CELF2: variants seen among roughly 807,000 people sequenced by gnomAD.
CELF2 encodes CUG triplet repeat RNA-binding protein 2.
Under a neutral mutation model 62.6 loss-of-function variants are expected in CELF2, and 8 were observed. The ratio of observed to expected loss-of-function variants is 0.13; its 90% confidence interval spans 0.07 to 0.23. The LOEUF is 0.23. Ranked by LOEUF, CELF2 falls within the 10% of genes least tolerant of loss-of-function variation. The pLI, the probability that CELF2 is intolerant of heterozygous loss-of-function variation, is 1.00. For missense variants in CELF2, 333 were observed against 671.0 expected (o/e 0.50, Z 5.56); for synonymous variants, 258 against 250.0 (o/e 1.03, Z -0.30).
intron 1 of CELF2, among the ~76,000 whole-genome samples, chr10:10,832,821 G>A (rs2057978630): frequency 6.6e-6 from 1 of 152,132 alleles, no homozygotes; most frequent in Non-Finnish European, 1.5e-5. Flanking sequence ...ACTGGAATCG[G>A]AGGGGAGAGA....
chr10:10,598,751 C>CTTTTTCTTTCTTTTTTTTTTTTTT, the CELF2 span, among the ~76,000 whole-genome samples: 1 of 69,586 alleles, frequency 1.4e-5, no homozygotes, highest in African/African-American at 4.8e-5. Context: ...CTTTTTCTTT[C>CTTTTTCTTTCTTTTTTTTTTTTTT]TTTTTTTTTT....
chr10:11,276,939 T>C (rs1439811512), intron 8 of CELF2, among the ~76,000 whole-genome samples: 1 of 152,246 alleles, frequency 6.6e-6, no homozygotes, highest in Non-Finnish European at 1.5e-5. Flanking sequence ...GCAATCTGTA[T>C]GTGCTCTGAG....
At chr10:10,822,620 G>A (rs1252298226) in intron 1 of CELF2, among the ~76,000 whole-genome samples, 2 of 152,302 alleles carry the variant, frequency 1.3e-5, no homozygotes, top group South Asian at 4.1e-4. Flanking sequence ...CTTTTTAAGC[G>A]ATTAACTACC....
chr10:10,896,319 A>G (rs1015059902), intron 1 of CELF2, among the ~76,000 whole-genome samples: 6 of 152,156 alleles, frequency 3.9e-5, no homozygotes, highest in African/African-American at 1.4e-4. Flanking sequence ...ATCCAATTAT[A>G]TGCTGCTTGC....
At chr10:10,790,246 G>A in the CELF2 span, among the ~76,000 whole-genome samples, 1 of 151,962 alleles carries the variant, frequency 6.6e-6, no homozygotes, top group African/African-American at 2.4e-5. Context: ...TTATATTCAA[G>A]TTTTTATATT....
At chr10:11,179,499 G>T (rs571093496) in intron 2 of CELF2, among the ~76,000 whole-genome samples, 1 of 152,328 alleles carries the variant, frequency 6.6e-6, no homozygotes, top group East Asian at 1.9e-4. Context: ...TTGAACGAAT[G>T]AAGTAAATGC....
At chr10:10,548,697 G>T in the CELF2 span, among the ~76,000 whole-genome samples, 1 of 151,904 alleles carries the variant, frequency 6.6e-6, no homozygotes. Flanking sequence ...TCTCTTTTGA[G>T]CTTTAAGTTA....
chr10:11,208,671 A>G (rs1020044536), intron 2 of CELF2, among the ~76,000 whole-genome samples: 4 of 152,176 alleles, frequency 2.6e-5, no homozygotes, highest in African/African-American at 9.7e-5. Context: ...AGAATGACGG[A>G]AGGAAAGTTA....
chr10:11,175,513 C>T (rs1333358135), intron 2 of CELF2, among the ~76,000 whole-genome samples: 1 of 152,114 alleles, frequency 6.6e-6, no homozygotes, highest in African/African-American at 2.4e-5. Flanking sequence ...GTTGGAACAG[C>T]AGGCAACATG....
the CELF2 span, among the ~76,000 whole-genome samples, chr10:10,679,821 G>T: frequency 6.6e-6 from 1 of 152,110 alleles, no homozygotes; most frequent in Non-Finnish European, 1.5e-5. Context: ...ATAAATACAT[G>T]AATGTTACAT....
chr10:10,687,730 G>A, the CELF2 span, among the ~76,000 whole-genome samples: 1 of 152,146 alleles, frequency 6.6e-6, no homozygotes, highest in Non-Finnish European at 1.5e-5. Context: ...AATTAATGCT[G>A]TCTAAAAGAC....
chr10:10,466,235 G>C, the CELF2 span, among the ~76,000 whole-genome samples: 2 of 152,004 alleles, frequency 1.3e-5, no homozygotes, highest in African/African-American at 4.8e-5. Flanking sequence ...CTGGCCTTCA[G>C]ACAGGCCTTC....
rs1174774788 is a variant in CELF2, at chr10:11,280,672, G to A, written c.841+5552G>A. ...AGTAGCACCTAGAAGATCGGTAGGT[G>A]CAGGGATGTCCATGGGGCAGGATGG... On this transcript the variant is annotated intron_variant, in intron 8 of 12. Coordinates refer to ENST00000633077, the MANE Select transcript of CELF2 (RefSeq NM_001326342.2). The surrounding 1 kb of genome is among the most constrained non-coding windows in gnomAD (Gnocchi z 7.6). Among the ~76,000 whole-genome samples the A allele has an allele frequency of 6.6e-6, 1 of 152,226 alleles. No homozygotes were observed. Among genetic ancestry groups the A allele is most frequent in the Non-Finnish European group, 1.5e-5 (1 of 68,036 alleles).
the CELF2 span, among the ~76,000 whole-genome samples, chr10:10,487,762 A>T: frequency 6.6e-6 from 1 of 152,184 alleles, no homozygotes; most frequent in Non-Finnish European, 1.5e-5. Context: ...CATCACGATT[A>T]AAGGTCTTAA....
intron 1 of CELF2, among the ~76,000 whole-genome samples, chr10:11,033,161 A>T (rs2060391770): frequency 6.6e-6 from 1 of 152,160 alleles, no homozygotes; most frequent in Admixed American, 6.5e-5. Context: ...TCCTCATCAA[A>T]TATCACTGTC....
intron 1 of CELF2, among the ~76,000 whole-genome samples, chr10:11,090,710 A>T (rs1169708189): frequency 6.6e-6 from 1 of 152,242 alleles, no homozygotes; most frequent in Non-Finnish European, 1.5e-5. Context: ...TTGTAGTGAT[A>T]AGGAAAAAGG....
At chr10:10,681,864 A>G in the CELF2 span, among the ~76,000 whole-genome samples, 51 of 152,344 alleles carry the variant, frequency 3.3e-4, no homozygotes, top group Non-Finnish European at 6.0e-4. Flanking sequence ...CCATTTTGGA[A>G]CCAAGTTTGT....
intron 1 of CELF2, among the ~76,000 whole-genome samples, chr10:11,103,145 T>C (rs2052259367): frequency 6.6e-6 from 1 of 152,170 alleles, no homozygotes; most frequent in Non-Finnish European, 1.5e-5. Flanking sequence ...GTTGAGTGAC[T>C]TCTGTACATT....
chr10:10,611,484 C>T, the CELF2 span, among the ~76,000 whole-genome samples: 1 of 152,106 alleles, frequency 6.6e-6, no homozygotes. Flanking sequence ...TTTTAGAACC[C>T]GTAAGTCACC....
Sources: allele counts gnomAD v4.1 joint callset (sites outside exome capture counted in the v4.1 genomes callset), GRCh38; gene constraint gnomAD v4.1.1; non-coding constraint Gnocchi (gnomAD v3.1); transcripts MANE v1.5; gene names NCBI Gene and HGNC (gene_info 2026-07-23, HGNC 2026-07-21).